Variants in IQCJ observed in about 807,000 individuals in gnomAD.
IQCJ encodes IQ domain-containing protein J.
IQCJ carries 9 observed loss-of-function variants against 11.0 expected under a neutral mutation model. The observed-to-expected ratio is 0.82, with a 90% confidence interval of 0.49 to 1.43. The LOEUF is 1.43. Among genes scored for constraint, IQCJ ranks in the 40% most tolerant of loss-of-function variants. The pLI, the probability that IQCJ is intolerant of heterozygous loss-of-function variation, is 0.00. For synonymous variants in IQCJ, 55 were observed against 51.3 expected (o/e 1.07, Z -0.31); for missense variants, 146 against 133.2 (o/e 1.10, Z -0.47).
chr3:159,244,972 C>T (rs574597785), intron 1 of IQCJ, among the ~76,000 whole-genome samples: 6 of 152,222 alleles, frequency 3.9e-5, no homozygotes, highest in African/African-American at 7.2e-5. Context: ...CAGAGTTCTG[C>T]GAGTCTTCCT....
intron 1 of IQCJ, among the ~76,000 whole-genome samples, chr3:159,182,020 T>C (rs1190656790): frequency 6.6e-6 from 1 of 151,752 alleles, no homozygotes; most frequent in Non-Finnish European, 1.5e-5. Context: ...TTTATGTGAC[T>C]TGACCCCTGC....
chr3:159,154,424 T>G (rs571568235), intron 1 of IQCJ, among the ~76,000 whole-genome samples: 55 of 152,334 alleles, frequency 3.6e-4, no homozygotes, highest in African/African-American at 1.3e-3. Flanking sequence ...TTTAAATTAT[T>G]TATGAATCTT....
intron 3 of IQCJ, among the ~76,000 whole-genome samples, chr3:159,256,652 A>C (rs1727916297): frequency 2.6e-5 from 4 of 152,222 alleles, no homozygotes; most frequent in Admixed American, 6.5e-5. Flanking sequence ...ATGTCTTATT[A>C]AATTGTAGTC....
At chr3:159,151,058 C>G (rs1358198698) in intron 1 of IQCJ, among the ~76,000 whole-genome samples, 1 of 152,152 alleles carries the variant, frequency 6.6e-6, no homozygotes, top group Non-Finnish European at 1.5e-5. Flanking sequence ...GAATCAATGT[C>G]AAACTTTTAG....
rs567051488 is a variant in IQCJ at position 159,077,290 on chromosome 3, AT to A, written c.9+7852del. Reference sequence around the variant, plus strand: ...CAACCAGCTTTAGATGGTAATTTGCATTTAAAAAATCTATCAACACTTGATT... The same window carrying A: ...CAACCAGCTTTAGATGGTAATTTGCATTAAAAAATCTATCAACACTTGATT... On this transcript the variant is annotated intron_variant, in intron 1 of 3. Transcript: ENST00000397832. 1.2e-3 allele frequency among the ~76,000 whole-genome samples: 187 copies of A among 152,304 alleles called. 1 individual carries two copies. The highest frequency in any genetic ancestry group is 4.4e-3 in the African/African-American group (181 of 41,578).
chr3:159,082,170 A>G (rs1251767848), intron 1 of IQCJ, among the ~76,000 whole-genome samples: 2 of 152,154 alleles, frequency 1.3e-5, no homozygotes, highest in African/African-American at 2.4e-5. Flanking sequence ...GGTAGAGAAG[A>G]AGAATAAATA....
chr3:159,107,544 A>G (rs992369299), intron 1 of IQCJ, among the ~76,000 whole-genome samples: 11 of 152,308 alleles, frequency 7.2e-5, no homozygotes, highest in Middle Eastern at 3.4e-3. Flanking sequence ...AGAAGTGACA[A>G]TCTACCAGAT....
At chr3:159,198,782 T>C (rs1466854778) in intron 1 of IQCJ, among the ~76,000 whole-genome samples, 7 of 152,194 alleles carry the variant, frequency 4.6e-5, no homozygotes, top group Admixed American at 1.3e-4. Flanking sequence ...ATCCAGGAAC[T>C]GGGGGCTTCA....
At chr3:159,155,781 T>G (rs1012419728) in intron 1 of IQCJ, among the ~76,000 whole-genome samples, 1 of 152,164 alleles carries the variant, frequency 6.6e-6, no homozygotes, top group Admixed American at 6.5e-5. Flanking sequence ...ACAAATCACT[T>G]GAAATTCTAG....
At chr3:159,199,117 C>T (rs1351187756) in intron 1 of IQCJ, among the ~76,000 whole-genome samples, 8 of 152,042 alleles carry the variant, frequency 5.3e-5, no homozygotes, top group African/African-American at 1.7e-4. Flanking sequence ...GAATAATGGC[C>T]CCTCAATGGT....
chr3:159,145,563 C>T (rs1471406345), intron 1 of IQCJ, among the ~76,000 whole-genome samples: 1 of 137,866 alleles, frequency 7.3e-6, no homozygotes, highest in Non-Finnish European at 1.6e-5. Flanking sequence ...AAATAGTTTC[C>T]CTTTAGTATG....
intron 1 of IQCJ, among the ~76,000 whole-genome samples, chr3:159,138,056 T>A (rs751790953): frequency 1.4e-4 from 21 of 152,320 alleles, no homozygotes; most frequent in Admixed American, 3.3e-4. Context: ...TTCTTGGAAG[T>A]AAATGTAACT....
At chr3:159,128,513 G>T (rs1374852432) in intron 1 of IQCJ, among the ~76,000 whole-genome samples, 5 of 152,136 alleles carry the variant, frequency 3.3e-5, no homozygotes, top group Non-Finnish European at 5.9e-5. Context: ...TGTCTGTTGG[G>T]ATACCCATTC....
intron 2 of IQCJ, 27 bp downstream of exon 2, chr3:159,245,934 A>G: frequency 6.1e-6 from 9 of 1,486,190 alleles, no homozygotes; most frequent in Non-Finnish European, 8.2e-6. Flanking sequence ...AAGTTAAATC[A>G]TCTGCAAGGT....
intron 1 of IQCJ, among the ~76,000 whole-genome samples, chr3:159,230,822 TTGTC>T (rs1466821125): frequency 6.6e-6 from 1 of 152,208 alleles, no homozygotes; most frequent in Non-Finnish European, 1.5e-5. Flanking sequence ...AGGGTAGTGT[TTGTC>T]AACTTCTCCA....
chr3:159,151,781 G>C (rs1179078288), intron 1 of IQCJ, among the ~76,000 whole-genome samples: 2 of 152,108 alleles, frequency 1.3e-5, no homozygotes, highest in African/African-American at 4.8e-5. Context: ...GACTACAGGT[G>C]CCTGCCACCA....
At chr3:159,114,762 C>A (rs949262169) in intron 1 of IQCJ, among the ~76,000 whole-genome samples, 2 of 152,212 alleles carry the variant, frequency 1.3e-5, no homozygotes, top group South Asian at 4.1e-4. Flanking sequence ...GACTTCAAAG[C>A]TGCTCCTGGT....
chr3:159,165,468 A>G (rs1232732838), intron 1 of IQCJ, among the ~76,000 whole-genome samples: 2 of 152,210 alleles, frequency 1.3e-5, no homozygotes, highest in Non-Finnish European at 2.9e-5. Flanking sequence ...CTCAGATTAT[A>G]TTACACAGGC....
intron 1 of IQCJ, among the ~76,000 whole-genome samples, chr3:159,108,712 T>G (rs995624154): frequency 6.6e-6 from 1 of 152,204 alleles, no homozygotes; most frequent in Non-Finnish European, 1.5e-5. Flanking sequence ...CCCCCAAGAC[T>G]GGGCACAGCA....
Sources: gnomAD v4.1 joint callset for allele counts (sites outside exome capture counted in the v4.1 genomes callset) on GRCh38, gnomAD v4.1.1 for gene constraint, MANE v1.5 for transcripts, NCBI Gene and HGNC (gene_info 2026-07-23, HGNC 2026-07-21) for gene names.